The following DNAH5 variants were observed in gnomAD, a reference collection of about 807,000 sequenced individuals.
DNAH5 encodes axonemal beta dynein heavy chain 5.
DNAH5 carries 372 observed loss-of-function variants against 518.2 expected under a neutral mutation model. That is an observed-to-expected ratio of 0.72 (90% CI 0.66 to 0.78). DNAH5 has a LOEUF of 0.78. Among genes scored for constraint, DNAH5 ranks in the 30% least tolerant of loss-of-function variants. The pLI is 0.00. For synonymous variants in DNAH5, 2,039 were observed against 2,025.9 expected (o/e 1.01, Z -0.17); for missense variants, 5,523 against 5,687.0 (o/e 0.97, Z 0.93).
intron 39 of DNAH5, among the ~76,000 whole-genome samples, 175 bp from the exon 40 acceptor site, chr5:13,823,545 AAAAAT>A (rs1237997560): frequency 3.9e-5 from 6 of 152,218 alleles, no homozygotes; most frequent in African/African-American, 7.2e-5. Context: ...ATAAATTAAA[AAAAAT>A]AAAATAAAGA....
intron 70 of DNAH5, among the ~76,000 whole-genome samples, chr5:13,725,072 G>A (rs1353496063): frequency 6.6e-6 from 1 of 152,192 alleles, no homozygotes; most frequent in Non-Finnish European, 1.5e-5. Context: ...ACAGGTTTTA[G>A]GAACAGATCA....
intron 1 of DNAH5, among the ~76,000 whole-genome samples, chr5:13,998,119 C>T (rs1420632245): frequency 6.6e-6 from 1 of 152,216 alleles, no homozygotes; most frequent in Non-Finnish European, 1.5e-5. Context: ...GCTGGGATTA[C>T]AGGCGTGAGC....
rs768406077 is a variant in DNAH5 at position 13,714,492 on chromosome 5, A to T, written c.13038T>A (p.Gly4346=). The T allele has an allele frequency of 1.3e-5, 21 of 1,613,902 alleles. No homozygotes were observed. In the African/African-American group the frequency reaches 2.8e-4, roughly 22 times the overall value. ...ILGIQPKDTS[G]GGDETREAVV... is the part of the protein sequence containing the mutation. ...CCGCCTCCCGGGTCTCATCCCCTCC[A>T]CCAGAGGTGTCCTTGGGTTGGATGC... The change falls in exon 75 of 79, where the codon GGT becomes GGA. Residue 4346 remains glycine (G), a synonymous_variant. Coordinates refer to ENST00000265104, the MANE Select transcript of DNAH5 (RefSeq NM_001369.3).
intron 8 of DNAH5, among the ~76,000 whole-genome samples, chr5:13,916,887 A>G (rs767223971): frequency 2.6e-5 from 4 of 152,210 alleles, no homozygotes; most frequent in Non-Finnish European, 5.9e-5. Context: ...GTAACATGCA[A>G]TAAATGTTTT....
intron 36 of DNAH5, 111 bp from the exon 37 acceptor site, chr5:13,830,324 T>A: frequency 9.1e-7 from 1 of 1,095,306 alleles, no homozygotes; most frequent in Non-Finnish European, 1.4e-6. Flanking sequence ...CATTCAAAAG[T>A]AAAGTGCAAC....
intron 1 of DNAH5, among the ~76,000 whole-genome samples, chr5:13,975,462 T>C (rs1030775797): frequency 5.9e-5 from 9 of 152,168 alleles, no homozygotes; most frequent in African/African-American, 1.9e-4. Context: ...TGTGCCAGGA[T>C]TAATTTAGTC....
rs2151814381 is a variant in DNAH5, at chr5:13,820,430, T to A, written c.6757A>T (p.Arg2253Ter). The stretch of plus-strand genomic sequence containing the variant: ...AGAGTCATCATCCCATGTCGCACTC[T>A]CTGCGTTTCGAATAGCTGGATGACC... ...LKVIQLFETQ[R>*]VRHGMMTLGP... The change falls in exon 41 of 79, where the codon AGA (arginine) becomes TGA (stop). Residue 2253 changes from arginine to a stop codon, truncating the protein, a stop_gained. Transcript: ENST00000265104. LOFTEE classifies it high-confidence loss of function. 1 of 1,614,070 alleles carries A rather than the reference T, an allele frequency of 6.2e-7. No homozygotes were observed. Among genetic ancestry groups the A allele is most frequent in the Non-Finnish European group, 8.5e-7 (1 of 1,180,030 alleles).
At chr5:14,010,137 T>C (rs78238888) in intron 1 of DNAH5, among the ~76,000 whole-genome samples, 12,252 of 152,228 alleles carry the variant, frequency 0.08, 556 homozygotes, top group Admixed American at 0.13. Flanking sequence ...TTTTCACTCA[T>C]TAATTGTAAA....
Position 13,792,155 on chromosome 5 carries a change from C to A in DNAH5, c.8287G>T (p.Val2763Leu), listed in dbSNP as rs1757102180. Residue 2763 changes from valine (V) to leucine (L), a missense_variant, in exon 50 of 79, where the codon GTG becomes TTG. By Grantham distance (32) the Val-to-Leu change is conservative. Transcript: ENST00000265104. ...CGTGTCAGAGGCACCAATTTTGTCA[C>A]AGAATCTCTCACTTCTTCTGAGAAA... ...RGFSEEVRDS[V>L]TKLVPLTRRL... The A allele has an allele frequency of 6.2e-7, 1 of 1,613,874 alleles. No homozygotes were observed. Among genetic ancestry groups the A allele is most frequent in the African/African-American group, 1.3e-5 (1 of 74,892 alleles).
chr5:13,846,994 C>T (rs1416784282), intron 31 of DNAH5, among the ~76,000 whole-genome samples: 1 of 152,106 alleles, frequency 6.6e-6, no homozygotes, highest in Admixed American at 6.5e-5. Context: ...TACAGTAGCC[C>T]GGTCTGATTC....
chr5:13,697,543 G>GC (rs1741544354), intron 78 of DNAH5, among the ~76,000 whole-genome samples: 1 of 152,134 alleles, frequency 6.6e-6, no homozygotes, highest in Non-Finnish European at 1.5e-5. Flanking sequence ...CATTTCTCTA[G>GC]CAAACTTTTG....
intron 69 of DNAH5, among the ~76,000 whole-genome samples, chr5:13,728,588 C>T (rs1746080597): frequency 6.6e-6 from 1 of 152,080 alleles, no homozygotes; most frequent in Non-Finnish European, 1.5e-5. Context: ...TGGGGAATAA[C>T]CCGAAAGAAT....
At chr5:13,943,422 C>T (rs1779643441) in intron 1 of DNAH5, among the ~76,000 whole-genome samples, 1 of 152,224 alleles carries the variant, frequency 6.6e-6, no homozygotes, top group South Asian at 2.1e-4. Context: ...AGGAAACTCA[C>T]ACCTCCTCCT....
At chr5:13,759,790 C>G (rs1432438084) in intron 60 of DNAH5, among the ~76,000 whole-genome samples, 2 of 152,100 alleles carry the variant, frequency 1.3e-5, no homozygotes, top group African/African-American at 2.4e-5. Context: ...AAATTTTTCC[C>G]TTTTAAATTT....
In DNAH5 at chr5:13,729,455, G is replaced by A; in HGVS notation, c.11867C>T (p.Ser3956Leu). 1 of 1,614,008 alleles carries A rather than the reference G, an allele frequency of 6.2e-7. No individual in the cohort carries two copies. Among genetic ancestry groups the A allele is most frequent in the Non-Finnish European group, 8.5e-7 (1 of 1,179,902 alleles). Residue 3956 changes from serine (S) to leucine (L), a missense_variant, in exon 69 of 79, where the codon TCA becomes TTA. Ser to Leu is a moderately radical substitution (Grantham distance 145). Coordinates refer to ENST00000265104, the MANE Select transcript of DNAH5 (RefSeq NM_001369.3). ...LVELSKLRQF[S>L]DVLDQISRNE... is the part of the protein sequence containing the mutation. ...CACAGTTACCTGGTCAAGGACATCT[G>A]AAAACTGTCTGAGTTTGCTAAGTTC... is the stretch of plus-strand genomic sequence containing the variant.
At chr5:13,731,301 G>C (rs959681023) in intron 68 of DNAH5, among the ~76,000 whole-genome samples, 1 of 152,210 alleles carries the variant, frequency 6.6e-6, no homozygotes, top group Non-Finnish European at 1.5e-5. Flanking sequence ...GCATTGTGTT[G>C]AATAAAATTT....
chr5:13,927,516 A>G (rs1470231492), intron 3 of DNAH5, among the ~76,000 whole-genome samples: 5 of 152,150 alleles, frequency 3.3e-5, no homozygotes, highest in Non-Finnish European at 4.4e-5. Flanking sequence ...TCAAAAAATA[A>G]TAATAATAAA....
intron 30 of DNAH5, among the ~76,000 whole-genome samples, chr5:13,858,905 T>C (rs555033658): frequency 1.3e-5 from 2 of 152,350 alleles, no homozygotes; most frequent in South Asian, 4.1e-4. Context: ...TTTAAAAATC[T>C]CAAAATATAC....
At chr5:13,798,839 T>TA (rs1758269287) in intron 47 of DNAH5, among the ~76,000 whole-genome samples, 1 of 151,792 alleles carries the variant, frequency 6.6e-6, no homozygotes, top group Non-Finnish European at 1.5e-5. Context: ...CAATGTTGGC[T>TA]AACTGCAGCC....
Sources: gnomAD v4.1 joint callset for allele counts (sites outside exome capture counted in the v4.1 genomes callset) on GRCh38, gnomAD v4.1.1 for gene constraint, MANE v1.5 for transcripts, NCBI Gene and HGNC (gene_info 2026-07-23, HGNC 2026-07-21) for gene names.